The following GTPBP1 variants were observed in gnomAD, a reference collection of about 807,000 sequenced individuals.
The protein encoded by GTPBP1 is GTP binding protein 1.
Under a neutral mutation model 62.0 loss-of-function variants are expected in GTPBP1, and 23 were observed. The observed-to-expected ratio is 0.37, with a 90% confidence interval of 0.27 to 0.53. The LOEUF (loss-of-function observed/expected upper bound fraction) is 0.53, where lower values mean the gene tolerates loss of function less well. Among genes scored for constraint, GTPBP1 ranks in the 20% least tolerant of loss-of-function variants. The probability of loss-of-function intolerance (pLI) is 0.89; values close to 1 mark genes in which losing one functional copy is unlikely to be tolerated. For synonymous variants in GTPBP1, 344 were observed against 364.4 expected, an observed-to-expected ratio of 0.94 and a Z score of 0.64; for missense variants, 640 against 917.3, an observed-to-expected ratio of 0.70 and a Z score of 3.90.
rs1423650868 is a variant in GTPBP1 at position 38,716,652 on chromosome 22, G to A, written c.486G>A (p.Arg162=). 1 of 1,608,880 alleles carries A rather than the reference G, an allele frequency of 6.2e-7. No homozygotes were observed. The highest frequency in any genetic ancestry group is 1.3e-5 in the African/African-American group (1 of 74,806). Residue 162 remains arginine (R), a splice_region_variant and synonymous_variant, in exon 4 of 12, where the codon AGG becomes AGA. Transcript: ENST00000216044. The surrounding 1 kb of genome is among the most constrained non-coding windows in gnomAD (Gnocchi z 5.2). The part of the protein sequence containing the change: ...RVGDNDFLEV[R]VAVVGNVDAG... Reference sequence around the variant, plus strand: ...GATGTATGGGTTCATCTACACGCAGGGTAGCAGTGGTGGGCAACGTGGATG... The same window carrying A: ...GATGTATGGGTTCATCTACACGCAGAGTAGCAGTGGTGGGCAACGTGGATG...
In GTPBP1 at chr22:38,731,505, T is replaced by G. The variant is rs1945541366; in HGVS notation, c.*801T>G. 6.5e-6 allele frequency: 1 copy of G among 152,796 alleles called. No homozygotes were observed. Among genetic ancestry groups the G allele is most frequent in the Non-Finnish European group, 1.5e-5 (1 of 68,162 alleles). 9.5% of individuals were successfully genotyped at this position (152,796 alleles called of 1,614,324 possible). On this transcript the variant is annotated 3_prime_UTR_variant, in exon 12 of 12. Coordinates refer to ENST00000216044, the MANE Select transcript of GTPBP1 (RefSeq NM_004286.5). ...ACCAACCCAAAGACAGCTGGTGGGT[T>G]TCCCCTTGGAGACAATCCTGCGTTT...
downstream of GTPBP1, chr22:38,736,477 T>G (rs1231921947): frequency 3.2e-6 from 3 of 945,472 alleles, no homozygotes; most frequent in African/African-American, 5.0e-5. Context: ...TAGGGCCAGA[T>G]GGCTCCCCTG....
At position 38,726,745 on chromosome 22, in the gene GTPBP1, C is replaced by G. The variant is rs1197322397; in HGVS notation, c.1401+305C>G. On this transcript the variant is annotated intron_variant, in intron 8 of 11. Coordinates refer to ENST00000216044, the MANE Select transcript of GTPBP1 (RefSeq NM_004286.5). This position sits in a 1 kb window ranked among gnomAD's most constrained non-coding sequence, Gnocchi z 4.1. ...GTATCCCTGCTGTGCAAGGATCCTTCTACATAGGACCATTGGGATCTGCGC... is the reference window on the plus strand; with the variant it reads ...GTATCCCTGCTGTGCAAGGATCCTTGTACATAGGACCATTGGGATCTGCGC... Among the ~76,000 whole-genome samples the G allele has an allele frequency of 6.6e-6, 1 of 152,190 alleles. No individual in the cohort carries two copies. The highest frequency in any genetic ancestry group is 1.5e-5 in the Non-Finnish European group (1 of 68,018).
downstream of GTPBP1, chr22:38,742,674 C>T (rs2092869759): frequency 7.4e-6 from 10 of 1,352,306 alleles, no homozygotes; most frequent in East Asian, 2.5e-5. Context: ...GACGTTCCAG[C>T]ATAAGGCCAT....
chr22:38,722,849 A>C, intron 5 of GTPBP1: 1 of 1,526,296 alleles, frequency 6.6e-7, no homozygotes, highest in East Asian at 2.3e-5. Context: ...GGGTTTCTAC[A>C]TACTGGAACG....
chr22:38,733,872 A>G (rs2092778607), downstream of GTPBP1, among the ~76,000 whole-genome samples: 1 of 152,240 alleles, frequency 6.6e-6, no homozygotes, highest in Admixed American at 6.5e-5. Context: ...GGCAGAGGGC[A>G]TGTGCCCAGC....
downstream of GTPBP1, chr22:38,740,083 G>T: frequency 1.7e-6 from 2 of 1,210,178 alleles, no homozygotes; most frequent in Non-Finnish European, 2.3e-6. The surrounding 1 kb of genome is among the most constrained non-coding windows in gnomAD (Gnocchi z 4.8). Context: ...AACACTCCAT[G>T]GGCACTAACA....
downstream of GTPBP1, chr22:38,739,022 G>A (rs761966008): frequency 9.5e-6 from 15 of 1,576,538 alleles, no homozygotes; most frequent in East Asian, 1.2e-4. This position sits in a 1 kb window ranked among gnomAD's most constrained non-coding sequence, Gnocchi z 6.7. Flanking sequence ...GTGGGCTCCC[G>A]CACGGGAGGA....
intron 2 of GTPBP1, among the ~76,000 whole-genome samples, chr22:38,710,655 A>T (rs957540753): frequency 6.6e-6 from 1 of 152,174 alleles, no homozygotes. Flanking sequence ...CTAGGAGATC[A>T]TTGGTAGCCT....
At chr22:38,721,944 C>A in intron 5 of GTPBP1, 79 bp downstream of exon 5, 1 of 1,004,388 alleles carries the variant, frequency 1.0e-6, no homozygotes, top group Non-Finnish European at 1.4e-6. Context: ...TCTGCTACCA[C>A]GGCTTTAGCC....
chr22:38,725,244 T>G (rs1197138612), intron 6 of GTPBP1: 1 of 152,326 alleles, frequency 6.6e-6, no homozygotes, highest in African/African-American at 2.4e-5. Flanking sequence ...GTGGGGAATG[T>G]GTAATTCGTG....
chr22:38,731,492 ACAG>A lies in GTPBP1; in HGVS notation c.*790_*792del, dbSNP rs2092760243. 1 of 152,656 alleles carries A rather than the reference ACAG, an allele frequency of 6.6e-6. No homozygotes were observed. The highest frequency in any genetic ancestry group is 2.1e-4 in the South Asian group (1 of 4,826). 9.5% of individuals were successfully genotyped at this position (152,656 alleles called of 1,614,324 possible). A position where few individuals can be genotyped will look rare whatever the true frequency, so the allele number is the denominator to read the frequency against. On this transcript the variant is annotated 3_prime_UTR_variant, in exon 12 of 12. Transcript: ENST00000216044. ...CCTGACCCTTGCCACCAACCCAAAGACAGCTGGTGGGTTTCCCCTTGGAGACAA... is the reference window on the plus strand; with the variant it reads ...CCTGACCCTTGCCACCAACCCAAAGACTGGTGGGTTTCCCCTTGGAGACAA...
rs1377430354 is a variant in GTPBP1 at position 38,730,380 on chromosome 22, T to C, written c.1918-232T>C. 6.6e-6 allele frequency among the ~76,000 whole-genome samples: 1 copy of C among 152,198 alleles called. No homozygotes were observed. The highest frequency in any genetic ancestry group is 2.4e-5 in the African/African-American group (1 of 41,440). ...GGCCGCTTCTCACACCCTCATCATGTGTGTCCTACCCACCCTGTAAGGAAG... is the reference window on the plus strand; with the variant it reads ...GGCCGCTTCTCACACCCTCATCATGCGTGTCCTACCCACCCTGTAAGGAAG... On this transcript the variant is annotated intron_variant, in intron 11 of 11. Transcript: ENST00000216044. This position sits in a 1 kb window ranked among gnomAD's most constrained non-coding sequence, Gnocchi z 5.6.
chr22:38,710,132 G>A (rs561249782), intron 2 of GTPBP1, among the ~76,000 whole-genome samples: 7 of 152,212 alleles, frequency 4.6e-5, no homozygotes, highest in Admixed American at 6.5e-5. Flanking sequence ...CATCATTAAA[G>A]AAACACTTTT....
At chr22:38,720,400 T>C (rs1287245813) in intron 4 of GTPBP1, among the ~76,000 whole-genome samples, 1 of 147,098 alleles carries the variant, frequency 6.8e-6, no homozygotes, top group Non-Finnish European at 1.5e-5. Context: ...TTTTTTTTTT[T>C]GTATTTTTAG....
intron 1 of GTPBP1, among the ~76,000 whole-genome samples, chr22:38,707,104 A>G (rs1462932630): frequency 6.6e-6 from 1 of 152,216 alleles, no homozygotes; most frequent in Non-Finnish European, 1.5e-5. Context: ...GGTTGTAAAA[A>G]TTAGAAATAT....
chr22:38,734,945 T>C (rs2092788904), downstream of GTPBP1: 3 of 279,350 alleles, frequency 1.1e-5, no homozygotes, highest in South Asian at 3.2e-5. Flanking sequence ...CTGCCCGCCT[T>C]CTTGCCCCTT....
downstream of GTPBP1, chr22:38,735,028 CTG>C (rs1331408902): frequency 3.4e-6 from 1 of 295,614 alleles, no homozygotes; most frequent in South Asian, 2.7e-5. Context: ...GAACAAGAAA[CTG>C]AGTATCACCC....
chr22:38,729,580 CAGT>C lies in GTPBP1; in HGVS notation c.1838_1840del (p.Val613del). The C allele has an allele frequency of 6.3e-7, 1 of 1,586,580 alleles. No homozygotes were observed. Among genetic ancestry groups the C allele is most frequent in the Non-Finnish European group, 8.6e-7 (1 of 1,167,668 alleles). On this transcript the variant is annotated inframe_deletion, in exon 11 of 12. Transcript: ENST00000216044. ...GAGGGGGGCCCGTCTGGTGGGCCAG[CAGT>C]AGGAGCACCCCCACCTGGAGATGAA... is the stretch of plus-strand genomic sequence containing the variant.
Sources: allele counts gnomAD v4.1 joint callset (sites outside exome capture counted in the v4.1 genomes callset), GRCh38; gene constraint gnomAD v4.1.1; non-coding constraint Gnocchi (gnomAD v3.1); transcripts MANE v1.5; gene names NCBI Gene and HGNC (gene_info 2026-07-23, HGNC 2026-07-21).